Variants in CRLS1 observed in about 807,000 individuals in gnomAD.
CRLS1 encodes the protein cardiolipin synthase (CMP-forming).
Under a neutral mutation model 37.0 loss-of-function variants are expected in CRLS1, and 24 were observed. The ratio of observed to expected loss-of-function variants is 0.65; its 90% CI spans 0.47 to 0.91. The LOEUF is 0.91. Among genes scored for constraint, CRLS1 ranks in the 40% least tolerant of loss-of-function variants. The pLI is 0.00. For missense variants in CRLS1, 373 were observed against 395.8 expected (o/e 0.94, Z 0.49); for synonymous variants, 135 against 159.7 (o/e 0.85, Z 1.17).
chr20:6,006,068 C>T (rs991446356), upstream of CRLS1: 14 of 374,722 alleles, frequency 3.7e-5, no homozygotes, highest in Non-Finnish European at 6.5e-5. Context: ...AAGGCGTCCG[C>T]CCTTGGCGGC....
chr20:6,011,742 T>C (rs1306229984), intron 2 of CRLS1, among the ~76,000 whole-genome samples: 4 of 151,322 alleles, frequency 2.6e-5, no homozygotes, highest in African/African-American at 4.8e-5. Flanking sequence ...TGCACCACCA[T>C]GCCTGGCTAA....
intron 2 of CRLS1, 41 bp from the exon 3 acceptor site, chr20:6,015,320 T>A: frequency 7.4e-7 from 1 of 1,352,004 alleles, no homozygotes; most frequent in Non-Finnish European, 1.0e-6. Flanking sequence ...TTTGTTCCTG[T>A]TATGACATTT....
intron 3 of CRLS1, among the ~76,000 whole-genome samples, chr20:6,019,444 C>T (rs1043745904): frequency 2.0e-5 from 3 of 151,406 alleles, no homozygotes; most frequent in Non-Finnish European, 4.4e-5. Context: ...GAATAGCTCT[C>T]ATTAACCTTT....
intron 3 of CRLS1, among the ~76,000 whole-genome samples, chr20:6,024,363 TG>T (rs1409738569): frequency 6.6e-6 from 1 of 152,224 alleles, no homozygotes; most frequent in African/African-American, 2.4e-5. Flanking sequence ...CTAATTGCTT[TG>T]GGATGCAGTG....
intron 1 of CRLS1, chr20:6,007,167 G>A (rs2090068708): frequency 4.7e-6 from 6 of 1,282,170 alleles, no homozygotes; most frequent in Non-Finnish European, 6.2e-6. Context: ...GTGTGGGAGA[G>A]CTTTTGATGT....
chr20:6,021,460 C>T (rs573861327), intron 3 of CRLS1, among the ~76,000 whole-genome samples: 1 of 152,232 alleles, frequency 6.6e-6, no homozygotes, highest in Admixed American at 6.5e-5. Flanking sequence ...TATGAAGTGA[C>T]CCTCTATAGC....
chr20:6,015,444 TA>T lies in CRLS1; in HGVS notation c.529del (p.Ile177SerfsTer8). On this transcript the variant is annotated frameshift_variant, in exon 3 of 7. Coordinates refer to ENST00000378863, the MANE Select transcript of CRLS1 (RefSeq NM_019095.6). ...ALDPLADKIL[I>X]SILYVSLTYA... ...TTGATCCACTTGCTGATAAAATACT[TA>T]TCAGTATCTTATATGTTAGCTTGAC... 1 of 1,610,340 alleles carries T rather than the reference TA, an allele frequency of 6.2e-7. No individual in the cohort carries two copies. The highest frequency in any genetic ancestry group is 8.5e-7 in the Non-Finnish European group (1 of 1,176,660).
intron 1 of CRLS1, among the ~76,000 whole-genome samples, chr20:6,008,085 G>T (rs544160203): frequency 1.6e-5 from 2 of 123,376 alleles, no homozygotes; most frequent in South Asian, 2.6e-4. Context: ...TGTCTTTAGA[G>T]AATACTTTTT....
At chr20:6,015,219 T>C (rs578117761) in intron 2 of CRLS1, 142 bp from the exon 3 acceptor site, 3 of 474,090 alleles carry the variant, frequency 6.3e-6, no homozygotes, top group African/African-American at 6.0e-5. Flanking sequence ...AGAATGAGAA[T>C]GTTTGGGGGT....
intron 3 of CRLS1, among the ~76,000 whole-genome samples, chr20:6,023,954 AT>A (rs11087705): frequency 0.63 from 92,631 of 147,354 alleles, 28,922 homozygotes; most frequent in Middle Eastern, 0.78. Context: ...TCTCTGTCAC[AT>A]TTTTTTTTTT....
At chr20:6,009,387 C>T (rs532118438) in intron 1 of CRLS1, among the ~76,000 whole-genome samples, 19 of 151,442 alleles carry the variant, frequency 1.3e-4, no homozygotes, top group South Asian at 4.2e-4. Flanking sequence ...CCCTGTGTTT[C>T]GGTACATGAT....
At chr20:6,008,970 A>G (rs970849642) in intron 1 of CRLS1, among the ~76,000 whole-genome samples, 3 of 152,244 alleles carry the variant, frequency 2.0e-5, no homozygotes, top group African/African-American at 7.2e-5. Context: ...ATGAAGTTAT[A>G]TATTAAAGGC....
intron 1 of CRLS1, chr20:6,007,277 C>G: frequency 6.4e-7 from 1 of 1,554,724 alleles, no homozygotes; most frequent in African/African-American, 1.4e-5. Flanking sequence ...GTTGAGGTGG[C>G]CAGATCCTGG....
At chr20:6,019,767 T>C (rs1979097404) in intron 3 of CRLS1, among the ~76,000 whole-genome samples, 1 of 151,160 alleles carries the variant, frequency 6.6e-6, no homozygotes, top group East Asian at 1.9e-4. Context: ...GTTCATGTGA[T>C]TCTCCTGCCT....
intron 3 of CRLS1, among the ~76,000 whole-genome samples, chr20:6,024,012 G>T (rs1361643777): frequency 6.6e-6 from 1 of 151,788 alleles, no homozygotes; most frequent in African/African-American, 2.4e-5. Flanking sequence ...GAATGCAGTG[G>T]TGTAATTATG....
chr20:6,037,085 C>A lies in CRLS1; in HGVS notation c.833C>A (p.Ala278Asp). Residue 278 changes from alanine (A) to aspartate (D), a missense_variant, in exon 7 of 7, where the codon GCT (alanine) becomes GAT (aspartate). Transcript: ENST00000378863. Reference sequence around the variant, plus strand: ...TTCTTCCATAAAAGGTGTTTTACAGCTTTCACCACAGCTGCATCAGCTTAT... The same window carrying A: ...TTCTTCCATAAAAGGTGTTTTACAGATTTCACCACAGCTGCATCAGCTTAT... ...IYLQILWCFT[A>D]FTTAASAYSY... The A allele has an allele frequency of 6.2e-7, 1 of 1,612,634 alleles. No individual in the cohort carries two copies. Among genetic ancestry groups the A allele is most frequent in the South Asian group, 1.1e-5 (1 of 90,926 alleles).
intron 3 of CRLS1, among the ~76,000 whole-genome samples, chr20:6,021,267 A>G (rs546130628): frequency 6.6e-6 from 1 of 151,628 alleles, no homozygotes; most frequent in African/African-American, 2.4e-5. Context: ...GGGTTTCACC[A>G]TGTTGGCCAG....
intron 5 of CRLS1, among the ~76,000 whole-genome samples, chr20:6,032,409 G>A (rs1422911097): frequency 6.7e-6 from 1 of 149,426 alleles, no homozygotes; most frequent in Admixed American, 6.7e-5. Context: ...TTGTTGCCCA[G>A]GCTGGTATGG....
chr20:6,013,771 G>A (rs1428739411), intron 2 of CRLS1, among the ~76,000 whole-genome samples: 1 of 152,156 alleles, frequency 6.6e-6, no homozygotes, highest in Non-Finnish European at 1.5e-5. Flanking sequence ...CTTCCCATTT[G>A]TGTGTTTTCC....
Sources: gnomAD v4.1 joint callset for allele counts (sites outside exome capture counted in the v4.1 genomes callset) on GRCh38, gnomAD v4.1.1 for gene constraint, MANE v1.5 for transcripts, NCBI Gene and HGNC (gene_info 2026-07-23, HGNC 2026-07-21) for gene names.